The following CRYBG3 variants were observed in gnomAD, a reference collection of about 807,000 sequenced individuals.
CRYBG3 encodes very large A-kinase anchor protein.
A neutral mutation model predicts 244.2 loss-of-function variants in CRYBG3; 127 were observed. The ratio of observed to expected loss-of-function variants is 0.52; its 90% CI spans 0.45 to 0.60. The LOEUF is 0.60. CRYBG3 is among the 20% of genes least tolerant of loss of function. The probability of loss-of-function intolerance (pLI) is 0.00; values close to 1 mark genes in which losing one functional copy is unlikely to be tolerated. For synonymous variants in CRYBG3, 1,132 were observed against 1,195.8 expected (o/e 0.95, Z 1.10); for missense variants, 3,325 against 3,442.5 (o/e 0.97, Z 0.85).
chr3:97,832,792 A>T (rs940370150), intron 1 of CRYBG3, among the ~76,000 whole-genome samples: 1 of 151,992 alleles, frequency 6.6e-6, no homozygotes, highest in African/African-American at 2.4e-5. Context: ...AACCTACAGG[A>T]TGGGAGAAAT....
At chr3:97,941,599 C>A (rs140437167) in intron 20 of CRYBG3, among the ~76,000 whole-genome samples, 1 of 151,970 alleles carries the variant, frequency 6.6e-6, no homozygotes, top group African/African-American at 2.4e-5. Flanking sequence ...CTAAGTTGGA[C>A]AATGTGCTTT....
At position 97,898,867 on chromosome 3, in the gene CRYBG3, C is replaced by G; in HGVS notation, c.7702-16C>G. 6.4e-7 allele frequency: 1 copy of G among 1,559,680 alleles called. No individual in the cohort carries two copies. The highest frequency in any genetic ancestry group is 8.7e-7 in the Non-Finnish European group (1 of 1,149,374). On this transcript the variant is annotated splice_polypyrimidine_tract_variant and intron_variant, in intron 12 of 21. Coordinates refer to ENST00000389622, the MANE Select transcript of CRYBG3 (RefSeq NM_153605.4). ...AATATGTATGTTTTCCTAAACTTTC[C>G]TCTTTCTCCTTTTAGAATTTTATAG...
Position 97,936,891 on chromosome 3 carries a change from C to T in CRYBG3, c.8488C>T (p.Leu2830Phe), listed in dbSNP as rs368113007. ...CAGCAGATGGAAAACAATTGGTTCC[C>T]TCCGTCCTATGAAGCAGGTAAGGAG... The part of the protein sequence containing the change: ...AFSRWKTIGS[L>F]RPMKQPAVYI... Residue 2830 changes from leucine to phenylalanine, a missense_variant, in exon 19 of 22, where the codon CTC becomes TTC. Around this residue, in one of 4 missense-constraint regions of CRYBG3, gnomAD observed 714 missense variants for 803.6 expected, o/e 0.89. Coordinates refer to ENST00000389622, the MANE Select transcript of CRYBG3 (RefSeq NM_153605.4). The T allele has an allele frequency of 6.8e-6, 11 of 1,612,792 alleles. No individual in the cohort carries two copies. The African/African-American group carries it at 1.1e-4, about 16-fold the overall frequency.
intron 1 of CRYBG3, among the ~76,000 whole-genome samples, chr3:97,834,223 G>A (rs2038697620): frequency 6.6e-6 from 1 of 152,036 alleles, no homozygotes; most frequent in South Asian, 2.1e-4. Context: ...TAAGCTGTTG[G>A]CACAAAAATA....
At chr3:97,942,522 C>A in intron 21 of CRYBG3, 79 bp downstream of exon 21, 1 of 1,262,786 alleles carries the variant, frequency 7.9e-7, no homozygotes, top group South Asian at 1.7e-5. Flanking sequence ...GGGTAAAGGA[C>A]ATCCTTATGT....
chr3:97,914,779 T>C (rs2108252467), intron 16 of CRYBG3, among the ~76,000 whole-genome samples: 1 of 152,328 alleles, frequency 6.6e-6, no homozygotes, highest in South Asian at 2.1e-4. Context: ...CAGTAAATTA[T>C]AATGTCACAC....
chr3:97,840,421 G>A (rs1050418696), intron 1 of CRYBG3, among the ~76,000 whole-genome samples: 3 of 152,084 alleles, frequency 2.0e-5, no homozygotes, highest in African/African-American at 7.2e-5. Flanking sequence ...ATGTAAGTGA[G>A]AATTTTAAGA....
chr3:97,897,065 A>G (rs745757463), intron 12 of CRYBG3, among the ~76,000 whole-genome samples: 4 of 152,200 alleles, frequency 2.6e-5, no homozygotes, highest in Non-Finnish European at 4.4e-5. Flanking sequence ...TGACTTCCTC[A>G]ATAACACTTT....
At chr3:97,881,011 T>G (rs574569518) in intron 6 of CRYBG3, 61 bp from the exon 7 acceptor site, 2 of 1,350,696 alleles carry the variant, frequency 1.5e-6, no homozygotes, top group Non-Finnish European at 2.0e-6. Context: ...GGTCTGTGAC[T>G]TATATGCCTT....
At chr3:97,895,266 G>A (rs925826968) in intron 11 of CRYBG3, among the ~76,000 whole-genome samples, 2 of 152,086 alleles carry the variant, frequency 1.3e-5, no homozygotes, top group African/African-American at 4.8e-5. Flanking sequence ...TTTATAAAAA[G>A]GTAAGTTTTA....
At position 97,874,317 on chromosome 3, in the gene CRYBG3, C is replaced by T. The variant is rs1318870395; in HGVS notation, c.3123C>T (p.Ser1041=). ...VPSVLKLEKK[S]SSYRKKENIH... ...CTGTGCTGAAATTGGAAAAGAAATC[C>T]TCATCTTACAGAAAGAAAGAGAACA... is the stretch of plus-strand genomic sequence containing the variant. The change falls in exon 4 of 22, where the codon TCC becomes TCT. Residue 1041 remains serine, a synonymous_variant. Transcript: ENST00000389622. The T allele has an allele frequency of 1.3e-6, 2 of 1,527,338 alleles. No homozygotes were observed. The highest frequency in any genetic ancestry group is 1.7e-6 in the Non-Finnish European group (2 of 1,144,716). The allele number at this position is 1,527,338 out of a possible 1,614,324, so 94.6% of individuals were successfully genotyped here.
intron 15 of CRYBG3, among the ~76,000 whole-genome samples, chr3:97,906,631 T>G (rs1238510858): frequency 7.1e-5 from 10 of 140,384 alleles, no homozygotes; most frequent in Admixed American, 3.6e-4. Flanking sequence ...CTTATCAGCT[T>G]AAGGAGATTT....
At chr3:97,862,982 G>C (rs1395178045) in intron 2 of CRYBG3, among the ~76,000 whole-genome samples, 2 of 152,054 alleles carry the variant, frequency 1.3e-5, no homozygotes, top group African/African-American at 4.8e-5. Context: ...TTTTTTAAAG[G>C]TTAGTGAAAT....
chr3:97,900,748 A>G (rs1216146076), intron 15 of CRYBG3, among the ~76,000 whole-genome samples: 1 of 151,906 alleles, frequency 6.6e-6, no homozygotes, highest in African/African-American at 2.4e-5. Flanking sequence ...AACTTCTGGC[A>G]CTCTTTCTTT....
intron 2 of CRYBG3, among the ~76,000 whole-genome samples, chr3:97,850,308 T>A (rs1433215263): frequency 6.6e-6 from 1 of 152,182 alleles, no homozygotes; most frequent in Non-Finnish European, 1.5e-5. Flanking sequence ...CTCTGATACA[T>A]ATGAGAGGTA....
At chr3:97,900,749 C>T (rs1373026647) in intron 15 of CRYBG3, among the ~76,000 whole-genome samples, 2 of 152,194 alleles carry the variant, frequency 1.3e-5, no homozygotes, top group Non-Finnish European at 2.9e-5. Context: ...ACTTCTGGCA[C>T]TCTTTCTTTC....
chr3:97,862,026 T>G (rs2039157487), intron 2 of CRYBG3, among the ~76,000 whole-genome samples: 1 of 152,178 alleles, frequency 6.6e-6, no homozygotes, highest in East Asian at 1.9e-4. Context: ...AAAATACTCT[T>G]TAGTAAACTT....
intron 1 of CRYBG3, among the ~76,000 whole-genome samples, chr3:97,828,134 T>C (rs2038602704): frequency 6.6e-6 from 1 of 152,168 alleles, no homozygotes; most frequent in South Asian, 2.1e-4. Flanking sequence ...CAAGATACCA[T>C]ATTCTACCTA....
chr3:97,866,612 G>A (rs1350571146), intron 3 of CRYBG3, among the ~76,000 whole-genome samples: 2 of 152,126 alleles, frequency 1.3e-5, no homozygotes, highest in Non-Finnish European at 2.9e-5. Context: ...GCATTTTAAA[G>A]TAATTTAAAA....
Sources: gnomAD v4.1 joint callset for allele counts (sites outside exome capture counted in the v4.1 genomes callset) on GRCh38, gnomAD v4.1.1 for gene constraint, gnomAD v4.1.1 regional missense constraint, MANE v1.5 for transcripts, NCBI Gene and HGNC (gene_info 2026-07-23, HGNC 2026-07-21) for gene names.